PDZRN3: variants seen among roughly 807,000 people sequenced by gnomAD.
The protein encoded by PDZRN3 is E3 ubiquitin-protein ligase PDZRN3.
A neutral mutation model predicts 85.7 loss-of-function variants in PDZRN3; 38 were observed. The ratio of observed to expected loss-of-function variants is 0.44; its 90% CI spans 0.34 to 0.58. The LOEUF (loss-of-function observed/expected upper bound fraction) is 0.58. Ranked by LOEUF, PDZRN3 falls within the 20% of genes least tolerant of loss-of-function variation. PDZRN3 has a pLI of 0.01. For missense variants in PDZRN3, 1,629 were observed against 1,506.4 expected, an observed-to-expected ratio of 1.08 and a Z score of -1.35; for synonymous variants, 759 against 638.0, an observed-to-expected ratio of 1.19 and a Z score of -2.86.
intron 3 of PDZRN3, among the ~76,000 whole-genome samples, chr3:73,484,586 G>A (rs1360139120): frequency 3.9e-5 from 6 of 152,200 alleles, no homozygotes; most frequent in African/African-American, 1.4e-4. Context: ...AGAAAAGAAA[G>A]CTGCAGCAGA....
At chr3:73,436,056 C>T (rs1702525228) in intron 3 of PDZRN3, among the ~76,000 whole-genome samples, 2 of 152,160 alleles carry the variant, frequency 1.3e-5, no homozygotes, top group Non-Finnish European at 2.9e-5. Flanking sequence ...TCCTTCCTTC[C>T]AACCCCCATC....
At chr3:73,565,117 ATTTT>A (rs202184460) in intron 3 of PDZRN3, among the ~76,000 whole-genome samples, 102 of 138,946 alleles carry the variant, frequency 7.3e-4, no homozygotes, top group African/African-American at 2.9e-3. Context: ...ATATCCACCA[ATTTT>A]TTTTTTTTTT....
intron 3 of PDZRN3, among the ~76,000 whole-genome samples, chr3:73,548,068 CTG>C (rs1300546871): frequency 1.3e-5 from 2 of 152,126 alleles, no homozygotes; most frequent in Admixed American, 6.5e-5. Context: ...AGTCTGGGCT[CTG>C]TGAAAATGTT....
intron 3 of PDZRN3, among the ~76,000 whole-genome samples, chr3:73,473,472 A>C (rs1413465816): frequency 6.6e-6 from 1 of 152,150 alleles, no homozygotes; most frequent in African/African-American, 2.4e-5. Context: ...AGAGGAAAAA[A>C]AAAAACAGAA....
At chr3:73,437,819 C>T (rs568953593) in intron 3 of PDZRN3, among the ~76,000 whole-genome samples, 28 of 152,032 alleles carry the variant, frequency 1.8e-4, no homozygotes, top group African/African-American at 6.5e-4. Context: ...GTAAGGAACA[C>T]ACAATTGTGT....
intron 3 of PDZRN3, among the ~76,000 whole-genome samples, chr3:73,461,525 G>A (rs1355774767): frequency 1.3e-5 from 2 of 152,206 alleles, no homozygotes; most frequent in Non-Finnish European, 2.9e-5. Flanking sequence ...TTAAAAATGG[G>A]CAGTTGGCTT....
rs572724778 is a variant in PDZRN3 at position 73,414,043 on chromosome 3, CCT to C, written c.919-9650_919-9649del. ...CTCAATGTGTTTGCCCTACAAATGT[CCT>C]ATAGGCAACGTCTAAGGCCCCTGGG... is the stretch of plus-strand genomic sequence containing the variant. On this transcript the variant is annotated intron_variant, in intron 3 of 9. Transcript: ENST00000263666. Among the ~76,000 whole-genome samples, 86 of 152,172 alleles carry C rather than the reference CCT, an allele frequency of 5.7e-4. No individual in the cohort carries two copies. In the South Asian group the frequency reaches 0.018, roughly 31 times the overall value.
rs1559657367 is a variant in PDZRN3, at chr3:73,400,568, T to G, written c.1254+354A>C. ...TACTCTTGAGCCATCTGCCTTTGAG[T>G]AAAGAGTGGTGATGACATAAAAGGG... On this transcript the variant is annotated intron_variant, in intron 5 of 9. Transcript: ENST00000263666. Among the ~76,000 whole-genome samples the G allele has an allele frequency of 2.6e-5, 4 of 152,258 alleles. No individual in the cohort carries two copies. The South Asian group carries it at 8.3e-4, about 32-fold the overall frequency.
intron 3 of PDZRN3, among the ~76,000 whole-genome samples, chr3:73,520,170 T>C (rs1430737399): frequency 6.6e-6 from 1 of 152,174 alleles, no homozygotes; most frequent in African/African-American, 2.4e-5. Context: ...CAAACTGCTT[T>C]GTCTCCTATA....
chr3:73,618,945 T>C (rs1264034253), intron 1 of PDZRN3, among the ~76,000 whole-genome samples: 3 of 152,238 alleles, frequency 2.0e-5, no homozygotes, highest in Non-Finnish European at 4.4e-5. Flanking sequence ...ATATACTTCA[T>C]GGTGAATACT....
intron 3 of PDZRN3, among the ~76,000 whole-genome samples, chr3:73,515,397 C>T (rs1428363169): frequency 2.6e-5 from 4 of 152,060 alleles, no homozygotes; most frequent in African/African-American, 7.2e-5. Context: ...AGGATGGTCT[C>T]GATCTCCTGA....
intron 3 of PDZRN3, among the ~76,000 whole-genome samples, chr3:73,441,002 T>C (rs1702625098): frequency 6.6e-6 from 1 of 152,242 alleles, no homozygotes; most frequent in Admixed American, 6.5e-5. Context: ...CAGCATTTTC[T>C]GGTGCAGGGG....
intron 3 of PDZRN3, among the ~76,000 whole-genome samples, chr3:73,462,444 C>G (rs753852779): frequency 2.6e-5 from 4 of 151,002 alleles, no homozygotes; most frequent in Non-Finnish European, 5.9e-5. Flanking sequence ...ACTTGGGAGC[C>G]CGAAGCAGGA....
intron 3 of PDZRN3, among the ~76,000 whole-genome samples, chr3:73,519,128 T>C (rs559111242): frequency 6.6e-6 from 1 of 152,108 alleles, no homozygotes; most frequent in Non-Finnish European, 1.5e-5. Context: ...TCTGATCTCC[T>C]CCCACTGGCC....
In PDZRN3 at chr3:73,424,645, C is replaced by G. The variant is rs1000493085; in HGVS notation, c.919-20250G>C. 9.2e-5 allele frequency among the ~76,000 whole-genome samples: 14 copies of G among 151,554 alleles called. No individual in the cohort carries two copies. In the South Asian group the frequency reaches 1.7e-3, roughly 18 times the overall value. On this transcript the variant is annotated intron_variant, in intron 3 of 9. Coordinates refer to ENST00000263666, the MANE Select transcript of PDZRN3 (RefSeq NM_015009.3). ...GGGTTGGTATCCAGACTATGTTTTTCCAAATCCTACAACCAGGGAAGAAGA... is the reference window on the plus strand; with the variant it reads ...GGGTTGGTATCCAGACTATGTTTTTGCAAATCCTACAACCAGGGAAGAAGA...
Position 73,624,757 on chromosome 3 carries a change from C to T in PDZRN3, c.69G>A (p.Lys23=), listed in dbSNP as rs556001068. The change falls in exon 1 of 10, where the codon AAG becomes AAA. Residue 23 remains lysine (K), a synonymous_variant. Coordinates refer to ENST00000263666, the MANE Select transcript of PDZRN3 (RefSeq NM_015009.3). ...DPDLKCALCH[K]VLEDPLTTPC... The stretch of plus-strand genomic sequence containing the variant: ...GCGTGGTCAGCGGGTCCTCCAGGAC[C>T]TTGTGGCACAGCGCGCACTTCAGGT... The T allele has an allele frequency of 1.6e-5, 24 of 1,496,606 alleles. No individual in the cohort carries two copies. The highest frequency in any genetic ancestry group is 4.3e-5 in the Admixed American group (2 of 45,988). 92.7% of individuals were successfully genotyped at this position (1,496,606 alleles called of 1,614,324 possible).
chr3:73,466,259 C>T (rs996015278), intron 3 of PDZRN3, among the ~76,000 whole-genome samples: 2 of 151,104 alleles, frequency 1.3e-5, no homozygotes, highest in African/African-American at 2.4e-5. Context: ...AAATGACCAA[C>T]GAAAGTTCCT....
intron 3 of PDZRN3, among the ~76,000 whole-genome samples, chr3:73,426,490 T>C (rs774030447): frequency 6.6e-6 from 1 of 152,210 alleles, no homozygotes. Flanking sequence ...ACAGAACTAT[T>C]TGCTTGAAAA....
intron 3 of PDZRN3, among the ~76,000 whole-genome samples, chr3:73,468,488 T>C (rs1235218270): frequency 1.3e-5 from 2 of 151,994 alleles, no homozygotes; most frequent in Admixed American, 6.6e-5. Context: ...TTGGAAATTA[T>C]AGTGACGAGG....
Sources: allele counts gnomAD v4.1 joint callset (sites outside exome capture counted in the v4.1 genomes callset), GRCh38; gene constraint gnomAD v4.1.1; transcripts MANE v1.5; gene names NCBI Gene and HGNC (gene_info 2026-07-23, HGNC 2026-07-21).